The following GMDS variants were observed in gnomAD, a reference collection of about 807,000 sequenced individuals.
The protein encoded by GMDS is GDP-mannose 4,6 dehydratase.
GMDS carries 20 observed loss-of-function variants against 49.9 expected under a neutral mutation model. The ratio of observed to expected loss-of-function variants is 0.40; its 90% CI spans 0.28 to 0.58. The LOEUF is 0.58. Among genes scored for constraint, GMDS ranks in the 20% least tolerant of loss-of-function variants. The pLI, the probability that GMDS is intolerant of heterozygous loss-of-function variation, is 0.42. For synonymous variants in GMDS, 177 were observed against 178.6 expected, an observed-to-expected ratio of 0.99 and a Z score of 0.07; for missense variants, 362 against 481.4, an observed-to-expected ratio of 0.75 and a Z score of 2.32.
At chr6:2,016,864 TG>T (rs1767933976) in intron 4 of GMDS, among the ~76,000 whole-genome samples, 1 of 152,156 alleles carries the variant, frequency 6.6e-6, no homozygotes, top group Non-Finnish European at 1.5e-5. Flanking sequence ...GTATTTTAAT[TG>T]ATTGAAAATT....
intron 1 of GMDS, among the ~76,000 whole-genome samples, chr6:2,138,370 C>A (rs529965044): frequency 3.9e-5 from 6 of 152,224 alleles, no homozygotes; most frequent in African/African-American, 1.4e-4. Context: ...AATTTTGGTA[C>A]CTGCAATAAT....
At chr6:1,740,400 T>C (rs1043624495) in intron 8 of GMDS, among the ~76,000 whole-genome samples, 2 of 151,978 alleles carry the variant, frequency 1.3e-5, no homozygotes, top group African/African-American at 4.8e-5. Context: ...CTACTAAAAA[T>C]ACAAAAATTA....
intron 4 of GMDS, among the ~76,000 whole-genome samples, chr6:2,029,030 C>G (rs1477620065): frequency 2.0e-5 from 3 of 149,720 alleles, no homozygotes; most frequent in Non-Finnish European, 4.4e-5. Context: ...AATGAGATGG[C>G]AGAAATTAAG....
intron 9 of GMDS, among the ~76,000 whole-genome samples, chr6:1,690,481 C>T (rs1012212575): frequency 2.0e-5 from 3 of 152,144 alleles, no homozygotes; most frequent in African/African-American, 7.2e-5. Flanking sequence ...GGGAATCCTT[C>T]CCCCATTGTT....
chr6:2,060,837 T>G (rs1015287915), intron 4 of GMDS, among the ~76,000 whole-genome samples: 1 of 151,932 alleles, frequency 6.6e-6, no homozygotes, highest in Non-Finnish European at 1.5e-5. Flanking sequence ...CTGGCCAACA[T>G]GGTGAAACCC....
chr6:2,221,254 C>A lies in GMDS; in HGVS notation c.102+24067G>T, dbSNP rs72830182. On this transcript the variant is annotated intron_variant, in intron 1 of 10. Coordinates refer to ENST00000380815, the MANE Select transcript of GMDS (RefSeq NM_001500.4). ...CCTCTCAGCTTTATTCCTGGCTTCA[C>A]GTAGAATTCCAGTTCTCACTTGTAA... 2.6e-5 allele frequency among the ~76,000 whole-genome samples: 4 copies of A among 152,238 alleles called. No homozygotes were observed. The South Asian group carries it at 6.2e-4, about 24-fold the overall frequency.
chr6:2,166,893 A>C (rs2127550842), intron 1 of GMDS, among the ~76,000 whole-genome samples: 1 of 152,304 alleles, frequency 6.6e-6, no homozygotes, highest in East Asian at 1.9e-4. Context: ...TCATCAGCCA[A>C]GATCTTGTTT....
intron 9 of GMDS, among the ~76,000 whole-genome samples, chr6:1,651,128 A>G (rs1763641039): frequency 6.6e-6 from 1 of 152,134 alleles, no homozygotes; most frequent in Non-Finnish European, 1.5e-5. Flanking sequence ...TGCTATCTGG[A>G]TGACGATGGC....
At chr6:2,158,515 T>C (rs1270624761) in intron 1 of GMDS, among the ~76,000 whole-genome samples, 1 of 152,210 alleles carries the variant, frequency 6.6e-6, no homozygotes, top group African/African-American at 2.4e-5. Context: ...TAAAATGGCA[T>C]TCCCCATCAG....
At chr6:1,796,740 C>T (rs1263988392) in intron 7 of GMDS, among the ~76,000 whole-genome samples, 3 of 152,192 alleles carry the variant, frequency 2.0e-5, no homozygotes, top group Non-Finnish European at 4.4e-5. Flanking sequence ...TTCAAATGCT[C>T]ACTTTGTTTT....
At chr6:1,936,596 C>T (rs1404518187) in intron 6 of GMDS, among the ~76,000 whole-genome samples, 2 of 152,182 alleles carry the variant, frequency 1.3e-5, no homozygotes, top group African/African-American at 4.8e-5. Flanking sequence ...GCCACATCTA[C>T]GTCCCATATA....
intron 1 of GMDS, among the ~76,000 whole-genome samples, chr6:2,152,483 C>T (rs930023437): frequency 1.3e-5 from 2 of 151,910 alleles, no homozygotes; most frequent in Non-Finnish European, 2.9e-5. Flanking sequence ...GAAAATTATG[C>T]TGGGAGGAAA....
chr6:2,156,307 T>C (rs540647916), intron 1 of GMDS, among the ~76,000 whole-genome samples: 1 of 152,266 alleles, frequency 6.6e-6, no homozygotes, highest in African/African-American at 2.4e-5. Context: ...CACCTTCCTA[T>C]GGTAATGCAA....
chr6:1,818,627 A>AAC (rs1460441639), intron 7 of GMDS, among the ~76,000 whole-genome samples: 1 of 151,172 alleles, frequency 6.6e-6, no homozygotes, highest in East Asian at 1.9e-4. Context: ...AAAAAAAAAA[A>AAC]GTGAGCAAGG....
chr6:2,015,459 ATAAAAG>A (rs1236872315), intron 4 of GMDS, among the ~76,000 whole-genome samples: 4 of 152,222 alleles, frequency 2.6e-5, no homozygotes, highest in African/African-American at 9.6e-5. Context: ...TTTTTAACTA[ATAAAAG>A]TAAAACTACA....
intron 4 of GMDS, among the ~76,000 whole-genome samples, chr6:2,013,238 C>T (rs1000838515): frequency 2.0e-5 from 3 of 152,138 alleles, no homozygotes; most frequent in African/African-American, 7.2e-5. Flanking sequence ...GAAGAAACAA[C>T]ATCACAAGTC....
intron 1 of GMDS, among the ~76,000 whole-genome samples, chr6:2,228,678 A>T (rs944947643): frequency 6.6e-6 from 1 of 152,188 alleles, no homozygotes; most frequent in Non-Finnish European, 1.5e-5. Flanking sequence ...TTTGAACACA[A>T]ATTTAGTTCC....
At chr6:2,010,057 G>A (rs555632281) in intron 4 of GMDS, among the ~76,000 whole-genome samples, 13 of 152,104 alleles carry the variant, frequency 8.5e-5, no homozygotes, top group Admixed American at 2.0e-4. Context: ...GGCTGGGCAC[G>A]GTGGCTCACA....
chr6:2,058,076 G>GA (rs1373931141), intron 4 of GMDS, among the ~76,000 whole-genome samples: 37 of 151,968 alleles, frequency 2.4e-4, no homozygotes, highest in Admixed American at 1.1e-3. Flanking sequence ...AGCTGAAAAG[G>GA]GGCTAGGCAC....
Sources: gnomAD v4.1 joint callset for allele counts (sites outside exome capture counted in the v4.1 genomes callset) on GRCh38, gnomAD v4.1.1 for gene constraint, MANE v1.5 for transcripts, NCBI Gene and HGNC (gene_info 2026-07-23, HGNC 2026-07-21) for gene names.